SAMD5: variants seen among roughly 807,000 people sequenced by gnomAD.
SAMD5 encodes the protein sterile alpha motif domain-containing protein 5.
In SAMD5, 13 loss-of-function variants were observed where a neutral mutation model predicts 11.3. That is an observed-to-expected ratio of 1.15 (90% CI 0.75 to 1.83). The LOEUF is 1.83. SAMD5 is among the 40% of genes most tolerant of loss of function. SAMD5 has a pLI of 0.00. For missense variants in SAMD5, 255 were observed against 239.1 expected (o/e 1.07, Z -0.44); for synonymous variants, 129 against 111.3 (o/e 1.16, Z -1.00).
At chr6:147,540,569 C>T (rs1256465312) in intron 1 of SAMD5, among the ~76,000 whole-genome samples, 5 of 152,156 alleles carry the variant, frequency 3.3e-5, no homozygotes, top group East Asian at 1.9e-4. Flanking sequence ...ACTGACCAGC[C>T]TGCTGCAAGC....
At chr6:147,752,424 C>G in the SAMD5 span, among the ~76,000 whole-genome samples, 15,329 of 152,194 alleles carry the variant, frequency 0.1, 872 homozygotes, top group African/African-American at 0.13. Flanking sequence ...TTTCAATATA[C>G]ATACTGTCAC....
chr6:147,518,338 T>C (rs1330814716), intron 1 of SAMD5, among the ~76,000 whole-genome samples: 2 of 152,198 alleles, frequency 1.3e-5, no homozygotes, highest in Non-Finnish European at 2.9e-5. Flanking sequence ...AAAAAGGTGC[T>C]AAAGGCAGGG....
chr6:147,530,026 T>C (rs1788403202), intron 1 of SAMD5, among the ~76,000 whole-genome samples: 2 of 152,234 alleles, frequency 1.3e-5, no homozygotes. Flanking sequence ...GCACCTTTTC[T>C]TATGGTGTTT....
At chr6:147,877,717 G>A in the SAMD5 span, among the ~76,000 whole-genome samples, 1 of 151,882 alleles carries the variant, frequency 6.6e-6, no homozygotes, top group Non-Finnish European at 1.5e-5. Context: ...ACTGAGGTTT[G>A]TGCAAGAAGA....
downstream of SAMD5, among the ~76,000 whole-genome samples, chr6:147,738,553 G>A (rs947030755): frequency 2.0e-5 from 3 of 152,200 alleles, no homozygotes; most frequent in Non-Finnish European, 4.4e-5. Context: ...GCTTCATTAT[G>A]AGCTTGTTAT....
At chr6:147,622,927 T>G (rs1477331961) in intron 1 of SAMD5, among the ~76,000 whole-genome samples, 2 of 152,156 alleles carry the variant, frequency 1.3e-5, no homozygotes, top group African/African-American at 2.4e-5. Flanking sequence ...GGGAAACCCC[T>G]TATAAAACCA....
chr6:147,924,156 A>C, the SAMD5 span, among the ~76,000 whole-genome samples: 1 of 152,082 alleles, frequency 6.6e-6, no homozygotes, highest in African/African-American at 2.4e-5. Flanking sequence ...GACCTTGCCA[A>C]TGGGGGGAAA....
At chr6:147,740,157 C>T (rs891629957), downstream of SAMD5, among the ~76,000 whole-genome samples, 2 of 152,260 alleles carry the variant, frequency 1.3e-5, no homozygotes, top group South Asian at 2.1e-4. Context: ...TCCATTATTA[C>T]ATTAAAGTAT....
chr6:147,838,404 A>C, the SAMD5 span, among the ~76,000 whole-genome samples: 1 of 152,136 alleles, frequency 6.6e-6, no homozygotes, highest in Non-Finnish European at 1.5e-5. Flanking sequence ...ACCTCTGCAC[A>C]ACCTTTGTCA....
At chr6:147,681,220 A>AT (rs1790936076) in intron 1 of SAMD5, among the ~76,000 whole-genome samples, 1 of 152,126 alleles carries the variant, frequency 6.6e-6, no homozygotes, top group Admixed American at 6.5e-5. Context: ...TGCATTTTCC[A>AT]TTTTTAAAAA....
chr6:147,807,001 C>A, the SAMD5 span, among the ~76,000 whole-genome samples: 1 of 151,992 alleles, frequency 6.6e-6, no homozygotes, highest in Non-Finnish European at 1.5e-5. Flanking sequence ...GTAAAAGAGT[C>A]CCCACCAGAA....
the SAMD5 span, among the ~76,000 whole-genome samples, chr6:147,938,427 T>C: frequency 6.6e-6 from 1 of 152,182 alleles, no homozygotes; most frequent in Non-Finnish European, 1.5e-5. Context: ...CAATGGAAAT[T>C]ATGGTACAAA....
At chr6:147,659,387 A>C (rs758897028) in intron 1 of SAMD5, among the ~76,000 whole-genome samples, 2 of 152,186 alleles carry the variant, frequency 1.3e-5, no homozygotes, top group African/African-American at 2.4e-5. Flanking sequence ...GTGACCTGCA[A>C]GATTCCTCAA....
At chr6:147,909,560 T>TTTTCTTTCTTTCTTTCTTTC in the SAMD5 span, among the ~76,000 whole-genome samples, 19 of 78,930 alleles carry the variant, frequency 2.4e-4, no homozygotes, top group East Asian at 8.6e-4. Flanking sequence ...CATCCATCTT[T>TTTTCTTTCTTTCTTTCTTTC]TTTCTTTCTT....
the SAMD5 span, among the ~76,000 whole-genome samples, chr6:147,863,534 A>T: frequency 6.6e-6 from 1 of 152,208 alleles, no homozygotes; most frequent in Non-Finnish European, 1.5e-5. Context: ...AAGGTTGTTT[A>T]TCAGATAGCT....
intron 1 of SAMD5, among the ~76,000 whole-genome samples, chr6:147,625,197 C>A (rs1589734): frequency 0.43 from 65,202 of 151,952 alleles, 14,438 homozygotes; most frequent in Middle Eastern, 0.52. Flanking sequence ...CAGGGTCTCC[C>A]AGGGATAATG....
chr6:147,600,355 G>A (rs1033061247), intron 1 of SAMD5, among the ~76,000 whole-genome samples: 2 of 152,136 alleles, frequency 1.3e-5, no homozygotes, highest in Non-Finnish European at 2.9e-5. Context: ...AACTAAGGAG[G>A]AATCCATATT....
At chr6:147,828,180 G>A in the SAMD5 span, among the ~76,000 whole-genome samples, 1 of 152,096 alleles carries the variant, frequency 6.6e-6, no homozygotes, top group Non-Finnish European at 1.5e-5. Context: ...TTAAACTCCT[G>A]ATCATTGCTC....
At chr6:147,918,659 A>AAATCAATGTGCAAATCAATGTGC in the SAMD5 span, among the ~76,000 whole-genome samples, 1 of 151,652 alleles carries the variant, frequency 6.6e-6, no homozygotes, top group Non-Finnish European at 1.5e-5. Context: ...CTCAGGATAC[A>AAATCAATGTGCAAATCAATGTGC]AAATCAATGT....
Sources: gnomAD v4.1 joint callset for allele counts (sites outside exome capture counted in the v4.1 genomes callset) on GRCh38, gnomAD v4.1.1 for gene constraint, MANE v1.5 for transcripts, NCBI Gene and HGNC (gene_info 2026-07-23, HGNC 2026-07-21) for gene names.